CRISP1: variants seen among roughly 807,000 people sequenced by gnomAD.
The protein encoded by CRISP1 is cysteine rich secretory protein 1, also known as cysteine-rich secretory protein 1.
CRISP1 carries 44 observed loss-of-function variants against 33.1 expected under a neutral mutation model. The ratio of observed to expected loss-of-function variants is 1.33; its 90% CI spans 1.05 to 1.71. The LOEUF (loss-of-function observed/expected upper bound fraction) is 1.71, where lower values mean the gene tolerates loss of function less well. CRISP1 is among the 40% of genes most tolerant of loss of function. The probability of loss-of-function intolerance (pLI) is 0.00; values close to 1 mark genes in which losing one functional copy is unlikely to be tolerated. For synonymous variants in CRISP1, 103 were observed against 98.7 expected, an observed-to-expected ratio of 1.04 and a Z score of -0.26; for missense variants, 390 against 301.2, an observed-to-expected ratio of 1.29 and a Z score of -2.18.
intron 1 of CRISP1, among the ~76,000 whole-genome samples, chr6:49,862,238 T>C (rs1771673382): frequency 6.6e-6 from 1 of 152,084 alleles, no homozygotes; most frequent in South Asian, 2.1e-4. Flanking sequence ...AAATCAGTAG[T>C]GTTTCAAAGA....
In CRISP1 at chr6:49,835,061, A is replaced by G. The variant is rs1027973065; in HGVS notation, c.*255T>C. 6 of 331,542 alleles carry G rather than the reference A, an allele frequency of 1.8e-5. No individual in the cohort carries two copies. The highest frequency in any genetic ancestry group is 1.3e-4 in the African/African-American group (6 of 46,932). The allele number at this position is 331,542 out of a possible 1,614,324, so 20.5% of individuals were successfully genotyped here. A position where few individuals can be genotyped will look rare whatever the true frequency, so the allele number is the denominator to read the frequency against. Reference sequence around the variant, plus strand: ...AGGGACCCAGTTATACCATAAGTTGAATTATGCCAACTTAAAAACTATAAA... The same window carrying G: ...AGGGACCCAGTTATACCATAAGTTGGATTATGCCAACTTAAAAACTATAAA... On this transcript the variant is annotated 3_prime_UTR_variant, in exon 8 of 8. Transcript: ENST00000335847.
upstream of CRISP1, among the ~76,000 whole-genome samples, chr6:49,868,407 A>T (rs1771847744): frequency 6.6e-6 from 1 of 152,182 alleles, no homozygotes. Context: ...TAACTGGATT[A>T]TCCCAGAAAA....
At chr6:49,871,786 ATCTGGTCTATCGTT>A (rs919203997) in intron 1 of CRISP1, among the ~76,000 whole-genome samples, 1 of 151,850 alleles carries the variant, frequency 6.6e-6, no homozygotes, top group African/African-American at 2.4e-5. Flanking sequence ...CATTTTCTTA[ATCTGGTCTATCGTT>A]GTTGGACATT....
rs1771174958 is a variant in CRISP1, at chr6:49,846,543, T to C, written c.412A>G (p.Ile138Val). Residue 138 changes from isoleucine to valine, a missense_variant, in exon 5 of 8, where the codon ATA (isoleucine) becomes GTA (valine). Coordinates refer to ENST00000335847, the MANE Select transcript of CRISP1 (RefSeq NM_001131.3). ...ACCTGAGTGTAGTGGTCAGTAGTTA[T>C]GTCATCATCCGTTGTTGTCCATTCT... ...HGEWTTTDDD[I>V]TTDHYTQIVW... The C allele has an allele frequency of 2.5e-6, 4 of 1,613,512 alleles. 1 individual carries two copies. The highest frequency in any genetic ancestry group is 2.2e-5 in the South Asian group (2 of 91,050).
At chr6:49,841,704 G>A (rs757426506) in intron 5 of CRISP1, among the ~76,000 whole-genome samples, 5 of 152,090 alleles carry the variant, frequency 3.3e-5, no homozygotes, top group Non-Finnish European at 7.4e-5. Flanking sequence ...TTTTCTTATC[G>A]GTCAGTGAAC....
Position 49,845,091 on chromosome 6 carries a change from A to C in CRISP1, c.435+1429T>G, listed in dbSNP as rs370620627. ...TTATGAGCTGAATTCTTCCCCCAAA[A>C]TTCGTATTCTGTACCTCTAACTTCC... On this transcript the variant is annotated intron_variant, in intron 5 of 7. Coordinates refer to ENST00000335847, the MANE Select transcript of CRISP1 (RefSeq NM_001131.3). 5.9e-5 allele frequency among the ~76,000 whole-genome samples: 9 copies of C among 152,264 alleles called. No homozygotes were observed. In the East Asian group the frequency reaches 1.5e-3, roughly 26 times the overall value.
chr6:49,857,024 T>C lies in CRISP1; in HGVS notation c.66+311A>G, dbSNP rs796749491. ...TAATCTGCATTCTCAGTTTTTTTCC[T>C]GTGTTATTCAGAGAGGCCACAATGA... is the stretch of plus-strand genomic sequence containing the variant. On this transcript the variant is annotated intron_variant, in intron 2 of 7. Transcript: ENST00000335847. 7.9e-5 allele frequency among the ~76,000 whole-genome samples: 12 copies of C among 152,304 alleles called. 1 individual carries two copies. The highest frequency in any genetic ancestry group is 2.9e-4 in the African/African-American group (12 of 41,574).
upstream of CRISP1, chr6:49,866,643 C>A (rs896671283): frequency 6.6e-6 from 1 of 152,102 alleles, no homozygotes; most frequent in Non-Finnish European, 1.5e-5. Flanking sequence ...GTGAAGATTA[C>A]AAATCATGAT....
rs556543489 is a variant in CRISP1 at position 49,873,056 on chromosome 6, A to G, written c.-3+3953T>C. 1.9e-4 allele frequency among the ~76,000 whole-genome samples: 29 copies of G among 151,896 alleles called. 1 individual carries two copies. The South Asian group carries it at 4.4e-3, about 23-fold the overall frequency. On this transcript the variant is annotated intron_variant, in intron 1 of 7. Transcript: ENST00000505118. The stretch of plus-strand genomic sequence containing the variant: ...GAGCATGGAATGATAGCATTTGGAG[A>G]TATACCTAATGTTAAATGACGAGTT...
intron 1 of CRISP1, among the ~76,000 whole-genome samples, chr6:49,864,439 T>G (rs934742428): frequency 1.3e-5 from 2 of 151,164 alleles, no homozygotes; most frequent in African/African-American, 4.9e-5. Context: ...TGTTTGGATA[T>G]ATACCCCAGA....
chr6:49,865,637 G>C (rs974846001), intron 1 of CRISP1, among the ~76,000 whole-genome samples: 3 of 152,132 alleles, frequency 2.0e-5, no homozygotes, highest in African/African-American at 7.2e-5. Flanking sequence ...CAGTTTTGGA[G>C]AGAATAATTC....
intron 5 of CRISP1, among the ~76,000 whole-genome samples, chr6:49,844,220 T>C (rs1771085062): frequency 6.6e-6 from 1 of 152,180 alleles, no homozygotes; most frequent in Non-Finnish European, 1.5e-5. Context: ...ATTTATGGAT[T>C]TAATCATACA....
At chr6:49,862,494 TATA>T (rs1327817056) in intron 1 of CRISP1, among the ~76,000 whole-genome samples, 2 of 152,154 alleles carry the variant, frequency 1.3e-5, no homozygotes, top group African/African-American at 4.8e-5. Context: ...TGTTTTATGA[TATA>T]AGATATTTGA....
intron 1 of CRISP1, among the ~76,000 whole-genome samples, chr6:49,863,280 C>T (rs1771703634): frequency 6.6e-6 from 1 of 152,170 alleles, no homozygotes; most frequent in African/African-American, 2.4e-5. Context: ...TGGGACTTAT[C>T]TTATCCCAAT....
intron 1 of CRISP1, among the ~76,000 whole-genome samples, chr6:49,864,384 C>CTGTGTGTGTGTG (rs3997164): frequency 4.2e-4 from 60 of 142,370 alleles, no homozygotes; most frequent in South Asian, 2.3e-3. Context: ...TTGCTATTCA[C>CTGTGTGTGTGTG]TGTGTGTGTG....
rs373852138 is a variant in CRISP1 at position 49,835,281 on chromosome 6, C to T, written c.*35G>A. The T allele has an allele frequency of 1.4e-5, 22 of 1,601,524 alleles. No homozygotes were observed. In the Admixed American group the frequency reaches 1.7e-4, roughly 12 times the overall value. On this transcript the variant is annotated 3_prime_UTR_variant, in exon 8 of 8. Transcript: ENST00000335847. ...AATCCAACAGACATCTCCTCCTCAT[C>T]GTCACAGCATAGAACAGTTGAAAAT... is the stretch of plus-strand genomic sequence containing the variant.
At chr6:49,840,874 A>G (rs1770962583) in intron 6 of CRISP1, 24 bp downstream of exon 6, 2 of 1,573,638 alleles carry the variant, frequency 1.3e-6, no homozygotes, top group East Asian at 2.3e-5. Context: ...GGGGATATAT[A>G]TTTTAAAAAC....
chr6:49,859,541 T>C (rs1771587385), intron 1 of CRISP1, among the ~76,000 whole-genome samples: 1 of 151,996 alleles, frequency 6.6e-6, no homozygotes, highest in South Asian at 2.1e-4. Flanking sequence ...GCCTTACCAG[T>C]AATGCTTAAA....
intron 1 of CRISP1, among the ~76,000 whole-genome samples, chr6:49,871,686 G>A (rs558969776): frequency 6.6e-6 from 1 of 151,620 alleles, no homozygotes; most frequent in Non-Finnish European, 1.5e-5. Flanking sequence ...TGCTGAGAAT[G>A]ATGGTTTCCA....
Sources: gnomAD v4.1 joint callset for allele counts (sites outside exome capture counted in the v4.1 genomes callset) on GRCh38, gnomAD v4.1.1 for gene constraint, MANE v1.5 for transcripts, NCBI Gene and HGNC (gene_info 2026-07-23, HGNC 2026-07-21) for gene names.